Variants in PXDNL observed in about 807,000 individuals in gnomAD.
PXDNL encodes the protein probable oxidoreductase PXDNL.
A neutral mutation model predicts 150.8 loss-of-function variants in PXDNL; 145 were observed. The ratio of observed to expected loss-of-function variants is 0.96; its 90% CI spans 0.84 to 1.10. The LOEUF is 1.10. Ranked by LOEUF, PXDNL falls within the 50% of genes least tolerant of loss-of-function variation. The pLI is 0.00. For missense variants in PXDNL, 2,087 were observed against 1,873.9 expected (o/e 1.11, Z -2.10); for synonymous variants, 757 against 725.7 (o/e 1.04, Z -0.69).
chr8:51,472,188 T>G lies in PXDNL; in HGVS notation c.811A>C (p.Asn271His). The G allele has an allele frequency of 6.2e-7, 1 of 1,600,376 alleles. No homozygotes were observed. ...PKPEIIWIHN[N>H]HSLDLEDDTR... The stretch of plus-strand genomic sequence containing the variant: ...CCCATGTCCATGCTCAGTATTTACT[T>G]GTTGTGTATCCAAATAATCTCAGGT... The change falls in exon 8 of 23, where the codon AAC becomes CAC. Residue 271 changes from asparagine (N) to histidine (H), a missense_variant and splice_region_variant. By Grantham distance (68) the Asn-to-His change is moderately conservative (BLOSUM62 1). Coordinates refer to ENST00000356297, the MANE Select transcript of PXDNL (RefSeq NM_144651.5).
At chr8:51,716,840 A>G (rs909831890) in intron 1 of PXDNL, among the ~76,000 whole-genome samples, 1 of 152,240 alleles carries the variant, frequency 6.6e-6, no homozygotes, top group Non-Finnish European at 1.5e-5. Flanking sequence ...CATAGCAAGC[A>G]AGGGGAAGAG....
At chr8:51,750,242 T>C (rs1268860678) in intron 1 of PXDNL, among the ~76,000 whole-genome samples, 3 of 152,120 alleles carry the variant, frequency 2.0e-5, no homozygotes, top group African/African-American at 7.2e-5. Context: ...GACACACACA[T>C]TATCCCAGGC....
chr8:51,608,002 G>GAAGAAAGAAAGAAAGAGAAAGA lies in PXDNL; in HGVS notation c.237-15305_237-15304insTCTTTCTCTTTCTTTCTTTCTT, dbSNP rs1554557474. 7.7e-4 allele frequency among the ~76,000 whole-genome samples: 50 copies of GAAGAAAGAAAGAAAGAGAAAGA among 64,616 alleles called. 3 individuals are homozygous for GAAGAAAGAAAGAAAGAGAAAGA. The highest frequency in any genetic ancestry group is 1.0e-3 in the Admixed American group (6 of 5,858). 42.4% of individuals were successfully genotyped at this position (64,616 alleles called of 152,430 possible). A position where few individuals can be genotyped will look rare whatever the true frequency, so the allele number is the denominator to read the frequency against. On this transcript the variant is annotated intron_variant, in intron 2 of 22. Coordinates refer to ENST00000356297, the MANE Select transcript of PXDNL (RefSeq NM_144651.5). ...GGAAGGAAGAGAGAGAGGAAGGAAG[G>GAAGAAAGAAAGAAAGAGAAAGA]AAGAAAGAAAGAAAGAAAGAAAGAA...
At chr8:51,404,036 T>A (rs1309390955) in intron 17 of PXDNL, among the ~76,000 whole-genome samples, 1 of 152,182 alleles carries the variant, frequency 6.6e-6, no homozygotes, top group African/African-American at 2.4e-5. Context: ...TAAGGCCACA[T>A]GTCTGGAGTT....
intron 1 of PXDNL, among the ~76,000 whole-genome samples, chr8:51,707,413 T>C (rs1454099722): frequency 1.3e-5 from 2 of 152,208 alleles, no homozygotes; most frequent in Non-Finnish European, 2.9e-5. Flanking sequence ...ATGCCTATAC[T>C]CATGATACCA....
chr8:51,737,137 A>T (rs1207443245), intron 1 of PXDNL, among the ~76,000 whole-genome samples: 2 of 152,196 alleles, frequency 1.3e-5, no homozygotes, highest in Non-Finnish European at 2.9e-5. Context: ...GCCCAAAGAC[A>T]CCTTGATTTT....
At chr8:51,665,842 A>C (rs1485985734) in intron 1 of PXDNL, among the ~76,000 whole-genome samples, 1 of 152,206 alleles carries the variant, frequency 6.6e-6, no homozygotes, top group Non-Finnish European at 1.5e-5. Context: ...TCAGATCTCC[A>C]TACACCAACC....
At chr8:51,362,180 G>T (rs1316776214) in intron 19 of PXDNL, among the ~76,000 whole-genome samples, 1 of 152,088 alleles carries the variant, frequency 6.6e-6, no homozygotes, top group Non-Finnish European at 1.5e-5. Flanking sequence ...AAGGCAAAAA[G>T]AAAGCTATCC....
chr8:51,329,905 G>A (rs1291525900), intron 21 of PXDNL, among the ~76,000 whole-genome samples: 1 of 152,134 alleles, frequency 6.6e-6, no homozygotes. Context: ...GCAAGCTGGA[G>A]ACCCAGGAAT....
chr8:51,577,684 T>C (rs1813088019), intron 3 of PXDNL, among the ~76,000 whole-genome samples: 1 of 149,854 alleles, frequency 6.7e-6, no homozygotes, highest in South Asian at 2.1e-4. Flanking sequence ...TCTATGCCCA[T>C]TCATGATCAA....
At chr8:51,430,601 GT>G (rs1263955855) in intron 12 of PXDNL, among the ~76,000 whole-genome samples, 1 of 152,170 alleles carries the variant, frequency 6.6e-6, no homozygotes, top group African/African-American at 2.4e-5. Flanking sequence ...CTCTCTCTTT[GT>G]TTTCTGGAAC....
At chr8:51,585,155 C>A (rs868459661) in intron 3 of PXDNL, among the ~76,000 whole-genome samples, 1 of 151,934 alleles carries the variant, frequency 6.6e-6, no homozygotes, top group Non-Finnish European at 1.5e-5. Context: ...GTAAGGAGTG[C>A]GTTTGAAGGG....
chr8:51,622,937 A>G (rs572797160), intron 2 of PXDNL, among the ~76,000 whole-genome samples: 1 of 152,282 alleles, frequency 6.6e-6, no homozygotes, highest in African/African-American at 2.4e-5. Context: ...AGCTTAGCAG[A>G]TTCACATTCA....
intron 8 of PXDNL, among the ~76,000 whole-genome samples, chr8:51,471,899 G>A (rs1159739192): frequency 6.6e-6 from 1 of 152,018 alleles, no homozygotes; most frequent in African/African-American, 2.4e-5. Flanking sequence ...TGTTAGCCAG[G>A]ATGGTCTCGA....
chr8:51,379,037 T>A (rs549495945), intron 17 of PXDNL, among the ~76,000 whole-genome samples: 157 of 152,314 alleles, frequency 1.0e-3, no homozygotes, highest in African/African-American at 3.5e-3. Context: ...GCCACAGCGC[T>A]AGGACTCCCC....
chr8:51,461,842 C>T (rs948628217), intron 8 of PXDNL, among the ~76,000 whole-genome samples: 50 of 152,162 alleles, frequency 3.3e-4, no homozygotes, highest in African/African-American at 1.2e-3. Flanking sequence ...TCCTGTCTCC[C>T]CCACCCCTAG....
intron 17 of PXDNL, among the ~76,000 whole-genome samples, chr8:51,405,301 G>C (rs553041364): frequency 3.3e-5 from 5 of 152,204 alleles, no homozygotes; most frequent in African/African-American, 9.6e-5. Flanking sequence ...TGCCCAGAGC[G>C]AGGGATTGCT....
chr8:51,737,374 C>CT (rs1348495759), intron 1 of PXDNL, among the ~76,000 whole-genome samples: 1 of 152,220 alleles, frequency 6.6e-6, no homozygotes, highest in Non-Finnish European at 1.5e-5. Flanking sequence ...CTGCATGAGA[C>CT]TTTAACTTTC....
At chr8:51,744,736 G>GAGAAAAGA (rs2036957713) in intron 1 of PXDNL, among the ~76,000 whole-genome samples, 1 of 68,932 alleles carries the variant, frequency 1.5e-5, no homozygotes, top group East Asian at 4.3e-4. Flanking sequence ...AGAAAAGAAA[G>GAGAAAAGA]AAAGAGAAAA....
Sources: gnomAD v4.1 joint callset for allele counts (sites outside exome capture counted in the v4.1 genomes callset) on GRCh38, gnomAD v4.1.1 for gene constraint, MANE v1.5 for transcripts, NCBI Gene and HGNC (gene_info 2026-07-23, HGNC 2026-07-21) for gene names.